Variants in PRKAR2B observed in about 807,000 individuals in gnomAD.
The protein encoded by PRKAR2B is cAMP-dependent protein kinase type II-beta regulatory subunit.
PRKAR2B carries 14 observed loss-of-function variants against 49.9 expected under a neutral mutation model. The observed-to-expected ratio is 0.28, with a 90% CI of 0.19 to 0.44. The LOEUF is 0.44. Among genes scored for constraint, PRKAR2B ranks in the 20% least tolerant of loss-of-function variants. The pLI, the probability that PRKAR2B is intolerant of heterozygous loss-of-function variation, is 1.00. For synonymous variants in PRKAR2B, 196 were observed against 197.7 expected (o/e 0.99, Z 0.07); for missense variants, 393 against 537.9 (o/e 0.73, Z 2.67).
chr7:107,110,677 C>T (rs1210463626), intron 2 of PRKAR2B, among the ~76,000 whole-genome samples: 1 of 151,948 alleles, frequency 6.6e-6, no homozygotes, highest in Non-Finnish European at 1.5e-5. Context: ...CAGAAGGGAA[C>T]CTACTGCCTT....
intron 4 of PRKAR2B, among the ~76,000 whole-genome samples, chr7:107,130,948 A>G (rs889527648): frequency 3.9e-5 from 6 of 152,152 alleles, no homozygotes; most frequent in African/African-American, 1.4e-4. Flanking sequence ...TCAAGCTTTA[A>G]TATGCTGATG....
chr7:107,070,104 T>G (rs1441278200), intron 1 of PRKAR2B, 177 bp from the exon 2 acceptor site: 2 of 475,576 alleles, frequency 4.2e-6, no homozygotes, highest in African/African-American at 4.0e-5. Flanking sequence ...CAATTTATAT[T>G]TATTTGATTA....
At chr7:107,056,353 A>G (rs773544478) in intron 1 of PRKAR2B, among the ~76,000 whole-genome samples, 1 of 152,186 alleles carries the variant, frequency 6.6e-6, no homozygotes, top group Non-Finnish European at 1.5e-5. Flanking sequence ...TTCTGTGAAG[A>G]AGGTCATTGG....
rs540496691 is a variant in PRKAR2B, at chr7:107,098,679, G to A, written c.344-23273G>A. 1.3e-4 allele frequency among the ~76,000 whole-genome samples: 20 copies of A among 152,240 alleles called. No individual in the cohort carries two copies. The South Asian group carries it at 3.7e-3, about 28-fold the overall frequency. On this transcript the variant is annotated intron_variant, in intron 2 of 10. Coordinates refer to ENST00000265717, the MANE Select transcript of PRKAR2B (RefSeq NM_002736.3). ...ACCTTTGGTCTTTGATGATGGTGAC[G>A]TACAAATGGGGTTTTGGTGTGGATG...
chr7:107,145,358 C>T (rs574433673), intron 5 of PRKAR2B, among the ~76,000 whole-genome samples: 14 of 152,252 alleles, frequency 9.2e-5, no homozygotes, highest in Non-Finnish European at 1.8e-4. Context: ...TTATAAAGGA[C>T]CCTAGTAAGT....
At chr7:107,077,471 A>G (rs1223768014) in intron 2 of PRKAR2B, 2 of 152,218 alleles carry the variant, frequency 1.3e-5, no homozygotes, top group South Asian at 2.1e-4. Flanking sequence ...TAAGGTTTAT[A>G]ACATAGGTTT....
At chr7:107,064,498 G>A (rs553784766) in intron 1 of PRKAR2B, among the ~76,000 whole-genome samples, 80 of 152,244 alleles carry the variant, frequency 5.3e-4, no homozygotes, top group African/African-American at 1.9e-3. Flanking sequence ...TAATCAAAAA[G>A]GAAGAAGAAA....
rs1461280296 is a variant in PRKAR2B at position 107,059,330 on chromosome 7, G to T, written c.308-10951G>T. Among the ~76,000 whole-genome samples, 3 of 151,846 alleles carry T rather than the reference G, an allele frequency of 2.0e-5. No individual in the cohort carries two copies. In the East Asian group the frequency reaches 5.8e-4, roughly 29 times the overall value. ...ATATACCACATGTGCAGTAGGAGGA[G>T]GCCCCTCGTGTACTCTCTCCTGTCC... On this transcript the variant is annotated intron_variant, in intron 1 of 10. Coordinates refer to ENST00000265717, the MANE Select transcript of PRKAR2B (RefSeq NM_002736.3).
chr7:107,080,768 T>C (rs1298266618), intron 2 of PRKAR2B, among the ~76,000 whole-genome samples: 1 of 152,242 alleles, frequency 6.6e-6, no homozygotes, highest in Admixed American at 6.5e-5. Context: ...CAATATGATG[T>C]AGAAGTAAGA....
chr7:107,045,500 T>C (rs983673392), intron 1 of PRKAR2B, among the ~76,000 whole-genome samples: 1 of 152,104 alleles, frequency 6.6e-6, no homozygotes, highest in Admixed American at 6.6e-5. Flanking sequence ...CCTGGGCCGG[T>C]TGGGGTGGGC....
chr7:107,157,059 C>CT lies in PRKAR2B; in HGVS notation c.984+11dup, dbSNP rs1333480390. The stretch of plus-strand genomic sequence containing the variant: ...TACTATGAAAAGAAAGGTAAGCATT[C>CT]TAAGTCCTCAGAACCCACATACTGT... On this transcript the variant is annotated intron_variant, in intron 9 of 10. Transcript: ENST00000265717. 7 of 1,609,624 alleles carry CT rather than the reference C, an allele frequency of 4.3e-6. No homozygotes were observed. The highest frequency in any genetic ancestry group is 8.5e-7 in the Non-Finnish European group (1 of 1,176,038).
At chr7:107,063,474 G>A (rs1039586561) in intron 1 of PRKAR2B, among the ~76,000 whole-genome samples, 6 of 152,168 alleles carry the variant, frequency 3.9e-5, no homozygotes, top group African/African-American at 1.2e-4. Flanking sequence ...AGCGAAGGAG[G>A]AGACAGACAA....
Position 107,121,989 on chromosome 7 carries a change from T to A in PRKAR2B, c.381T>A (p.Asp127Glu). The change falls in exon 3 of 11, where the codon GAT becomes GAA. Residue 127 changes from aspartate to glutamate, a missense_variant. By Grantham distance (45) the Asp-to-Glu change is conservative (BLOSUM62 2). Transcript: ENST00000265717. The part of the protein sequence containing the change: ...AEAYNPDEEE[D>E]DAESRIIHPK... ...CTTATAATCCTGATGAAGAAGAAGA[T>A]GATGCAGAGTCCAGGGTATGTAATT... The A allele has an allele frequency of 6.3e-7, 1 of 1,597,700 alleles. No homozygotes were observed.
At chr7:107,112,431 TAAAAA>T (rs1229360440) in intron 2 of PRKAR2B, among the ~76,000 whole-genome samples, 1 of 151,972 alleles carries the variant, frequency 6.6e-6, no homozygotes, top group Admixed American at 6.6e-5. Context: ...AAATGAAAGT[TAAAAA>T]AGAAGAAATC....
chr7:107,142,376 A>G (rs1186031416), intron 5 of PRKAR2B, among the ~76,000 whole-genome samples: 2 of 152,208 alleles, frequency 1.3e-5, no homozygotes, highest in Non-Finnish European at 2.9e-5. Flanking sequence ...TGTGAATCAA[A>G]GTAATGATTT....
At chr7:107,143,772 T>C (rs1001137958) in intron 5 of PRKAR2B, among the ~76,000 whole-genome samples, 1 of 152,174 alleles carries the variant, frequency 6.6e-6, no homozygotes, top group Non-Finnish European at 1.5e-5. Context: ...ACTCAAAATA[T>C]TAAATAAAAT....
intron 5 of PRKAR2B, among the ~76,000 whole-genome samples, chr7:107,144,186 G>A (rs1458878416): frequency 6.6e-6 from 1 of 151,782 alleles, no homozygotes; most frequent in Admixed American, 6.6e-5. Context: ...CCTGGGTTCA[G>A]GTGATTCTTC....
intron 1 of PRKAR2B, among the ~76,000 whole-genome samples, chr7:107,054,347 A>G (rs1432566107): frequency 6.6e-6 from 1 of 152,142 alleles, no homozygotes; most frequent in Non-Finnish European, 1.5e-5. Flanking sequence ...ATCTCAAAAC[A>G]AAACAAAACA....
chr7:107,107,535 AC>A (rs1795095018), intron 2 of PRKAR2B, among the ~76,000 whole-genome samples: 3 of 152,066 alleles, frequency 2.0e-5, no homozygotes, highest in Admixed American at 1.3e-4. Flanking sequence ...TCTCTGCTAG[AC>A]AGTAGTACAA....
Sources: gnomAD v4.1 joint callset for allele counts (sites outside exome capture counted in the v4.1 genomes callset) on GRCh38, gnomAD v4.1.1 for gene constraint, MANE v1.5 for transcripts, NCBI Gene and HGNC (gene_info 2026-07-23, HGNC 2026-07-21) for gene names.